CCNK: variants seen among roughly 807,000 people sequenced by gnomAD.
The protein encoded by CCNK is cyclin-K.
In CCNK, 9 loss-of-function variants were observed where a neutral mutation model predicts 65.0. The ratio of observed to expected loss-of-function variants is 0.14; its 90% CI spans 0.08 to 0.24. The LOEUF (loss-of-function observed/expected upper bound fraction) is 0.24. Among genes scored for constraint, CCNK ranks in the 10% least tolerant of loss-of-function variants. The probability of loss-of-function intolerance (pLI) is 1.00; values close to 1 mark genes in which losing one functional copy is unlikely to be tolerated. For synonymous variants in CCNK, 279 were observed against 270.8 expected (o/e 1.03, Z -0.30); for missense variants, 474 against 720.0 (o/e 0.66, Z 3.91).
chr14:99,505,804 C>G (rs913154657), intron 9 of CCNK: 2 of 152,222 alleles, frequency 1.3e-5, no homozygotes, highest in Admixed American at 6.5e-5. Context: ...CTGCAGTGAG[C>G]CATGATTACA....
At chr14:99,498,386 G>A (rs962911362) in intron 4 of CCNK, among the ~76,000 whole-genome samples, 4 of 152,110 alleles carry the variant, frequency 2.6e-5, no homozygotes, top group African/African-American at 4.8e-5. Context: ...TTCCCTGGTC[G>A]GAGTCGGGGC....
At chr14:99,502,400 C>A in intron 7 of CCNK, 24 bp downstream of exon 7, 1 of 1,608,798 alleles carries the variant, frequency 6.2e-7, no homozygotes, top group South Asian at 1.1e-5. Flanking sequence ...TAAGCGTTCT[C>A]GTGAGGGTGT....
At chr14:99,497,704 A>G (rs1226128226) in intron 4 of CCNK, among the ~76,000 whole-genome samples, 1 of 152,236 alleles carries the variant, frequency 6.6e-6, no homozygotes, top group Non-Finnish European at 1.5e-5. Context: ...ATGTATATAC[A>G]AAATGTATAG....
At chr14:99,492,932 A>G in intron 2 of CCNK, 58 bp downstream of exon 2, 1 of 1,357,098 alleles carries the variant, frequency 7.4e-7, no homozygotes, top group South Asian at 1.5e-5. Flanking sequence ...CCACCAAGAA[A>G]TAATTAGATT....
At position 99,511,069 on chromosome 14, in the gene CCNK, C is replaced by A. The variant is rs910314656; in HGVS notation, c.*287C>A. 1.1e-5 allele frequency: 3 copies of A among 271,178 alleles called. No individual in the cohort carries two copies. The Admixed American group carries it at 1.6e-4, about 15-fold the overall frequency. The allele number at this position is 271,178 out of a possible 1,614,324, so 16.8% of individuals were successfully genotyped here. ...CTGGGTTACTTTATACTAGTGAGGA[C>A]GTTAACCAGCCATATTGGCTCAATA... On this transcript the variant is annotated 3_prime_UTR_variant, in exon 11 of 11. Transcript: ENST00000389879.
chr14:99,507,428 G>A (rs1897003022), intron 10 of CCNK: 1 of 424,788 alleles, frequency 2.4e-6, no homozygotes, highest in Non-Finnish European at 4.4e-6. Context: ...AGCCAGGTGT[G>A]GTAGCACACA....
chr14:99,497,093 A>C (rs1485734753), intron 4 of CCNK, among the ~76,000 whole-genome samples: 1 of 151,270 alleles, frequency 6.6e-6, no homozygotes, highest in East Asian at 2.0e-4. Context: ...CTGCATTGAC[A>C]CATCACCCAG....
At chr14:99,503,227 C>G in intron 8 of CCNK, 1 of 671,818 alleles carries the variant, frequency 1.5e-6, no homozygotes, top group Non-Finnish European at 2.7e-6. Flanking sequence ...TGTTTCATCC[C>G]TGCCAGGGTT....
Position 99,502,871 on chromosome 14 carries a change from T to A in CCNK, c.898T>A (p.Ser300Thr). The change falls in exon 8 of 11, where the codon TCC (serine) becomes ACC (threonine). Residue 300 changes from serine to threonine, a missense_variant. By Grantham distance (58) the Ser-to-Thr change is moderately conservative. Coordinates refer to ENST00000389879, the MANE Select transcript of CCNK (RefSeq NM_001099402.2). ...QSQPSQSSEPSQPQQKDPQQP... is the reference protein window; with the variant it reads ...QSQPSQSSEPTQPQQKDPQQP... ...ACAGCCGTCTCAAAGCTCCGAACCA[T>A]CCCAGCCCCAGCAGAAGGACCCCCA... 1 of 1,612,410 alleles carries A rather than the reference T, an allele frequency of 6.2e-7. No homozygotes were observed. The highest frequency in any genetic ancestry group is 1.3e-5 in the African/African-American group (1 of 74,574).
At chr14:99,503,519 C>T (rs938804004) in intron 8 of CCNK, 92 bp from the exon 9 acceptor site, 5 of 1,090,558 alleles carry the variant, frequency 4.6e-6, no homozygotes, top group Non-Finnish European at 5.4e-6. Context: ...CAGTGACTGC[C>T]GTCGCTGATT....
chr14:99,483,512 T>C (rs532731227), intron 1 of CCNK, among the ~76,000 whole-genome samples: 4 of 152,366 alleles, frequency 2.6e-5, no homozygotes, highest in African/African-American at 9.6e-5. Context: ...ATCGGGTGAC[T>C]GCGCTCCAGC....
intron 4 of CCNK, among the ~76,000 whole-genome samples, chr14:99,495,894 C>T (rs979069327): frequency 4.3e-4 from 66 of 152,312 alleles, no homozygotes; most frequent in Non-Finnish European, 9.4e-4. Flanking sequence ...GAGCAAAAAT[C>T]CTCTTAATTG....
chr14:99,496,971 T>A (rs1455910174), intron 4 of CCNK, among the ~76,000 whole-genome samples: 1 of 143,008 alleles, frequency 7.0e-6, no homozygotes, highest in Non-Finnish European at 1.5e-5. Flanking sequence ...ACAGCAAAAA[T>A]GAGTGGAAAG....
chr14:99,502,465 C>G, intron 7 of CCNK, 89 bp downstream of exon 7: 1 of 1,504,926 alleles, frequency 6.6e-7, no homozygotes. Flanking sequence ...ATGGATTTTC[C>G]CAGATAGACA....
At chr14:99,495,865 T>A (rs2139861814) in intron 4 of CCNK, among the ~76,000 whole-genome samples, 1 of 152,342 alleles carries the variant, frequency 6.6e-6, no homozygotes, top group East Asian at 1.9e-4. Context: ...TTTGGGGCAG[T>A]GGCACATTTC....
intron 1 of CCNK, among the ~76,000 whole-genome samples, chr14:99,488,741 T>C (rs1373710816): frequency 1.3e-5 from 2 of 152,218 alleles, no homozygotes; most frequent in African/African-American, 4.8e-5. Context: ...AGTAGCATTT[T>C]ATTATCAGTA....
At chr14:99,496,636 G>C (rs1345719064) in intron 4 of CCNK, among the ~76,000 whole-genome samples, 2 of 152,086 alleles carry the variant, frequency 1.3e-5, no homozygotes, top group African/African-American at 4.8e-5. Flanking sequence ...CATGAACCCG[G>C]GAGGCGGAGC....
At chr14:99,507,195 A>C (rs769026641) in intron 10 of CCNK, 48 bp downstream of exon 10, 2 of 1,101,358 alleles carry the variant, frequency 1.8e-6, no homozygotes, top group African/African-American at 1.5e-5. Context: ...ATCGCCTCTG[A>C]ATGTTGGACG....
At chr14:99,497,128 A>G (rs1896719718) in intron 4 of CCNK, among the ~76,000 whole-genome samples, 1 of 151,876 alleles carries the variant, frequency 6.6e-6, no homozygotes, top group African/African-American at 2.4e-5. Flanking sequence ...ATTAGGGTTC[A>G]TTCTCAGTGT....
Sources: allele counts gnomAD v4.1 joint callset (sites outside exome capture counted in the v4.1 genomes callset), GRCh38; gene constraint gnomAD v4.1.1; transcripts MANE v1.5; gene names NCBI Gene and HGNC (gene_info 2026-07-23, HGNC 2026-07-21).